Variants in MAGI2 observed in about 807,000 individuals in gnomAD.
The protein encoded by MAGI2 is membrane-associated guanylate kinase, WW and PDZ domain-containing protein 2.
Under a neutral mutation model 133.3 loss-of-function variants are expected in MAGI2, and 35 were observed. The observed-to-expected ratio is 0.26, with a 90% confidence interval of 0.20 to 0.35. The LOEUF (loss-of-function observed/expected upper bound fraction) is 0.35. Ranked by LOEUF, MAGI2 falls within the 10% of genes least tolerant of loss-of-function variation. The pLI is 1.00. For synonymous variants in MAGI2, 729 were observed against 710.6 expected, an observed-to-expected ratio of 1.03 and a Z score of -0.41; for missense variants, 1,636 against 1,863.4, an observed-to-expected ratio of 0.88 and a Z score of 2.25.
chr7:78,758,653 C>A (rs958313379), intron 2 of MAGI2, among the ~76,000 whole-genome samples: 34 of 152,152 alleles, frequency 2.2e-4, no homozygotes, highest in African/African-American at 8.0e-4. Flanking sequence ...CTCTCCATCA[C>A]AAAAGGGTCT....
chr7:78,801,165 A>G (rs1788026462), intron 2 of MAGI2, among the ~76,000 whole-genome samples: 1 of 152,210 alleles, frequency 6.6e-6, no homozygotes. Flanking sequence ...CAAGAGATTT[A>G]AAGACAGGAT....
intron 1 of MAGI2, among the ~76,000 whole-genome samples, chr7:79,426,531 C>T (rs1155234): frequency 6.6e-6 from 1 of 151,942 alleles, no homozygotes; most frequent in African/African-American, 2.4e-5. Context: ...TATCTTCTCT[C>T]CTGAGGAGTT....
intron 21 of MAGI2, among the ~76,000 whole-genome samples, chr7:78,061,020 G>A (rs1411392392): frequency 6.6e-6 from 1 of 151,942 alleles, no homozygotes; most frequent in Non-Finnish European, 1.5e-5. Flanking sequence ...ACAAAAAGTA[G>A]CTGGGGGCGG....
chr7:78,688,264 G>C (rs1816591191), intron 2 of MAGI2, among the ~76,000 whole-genome samples: 1 of 152,094 alleles, frequency 6.6e-6, no homozygotes, highest in Non-Finnish European at 1.5e-5. Context: ...AGAAGGTCAA[G>C]GTGTCATTTA....
intron 20 of MAGI2, among the ~76,000 whole-genome samples, chr7:78,124,506 A>G (rs544750657): frequency 1.6e-4 from 25 of 152,206 alleles, no homozygotes; most frequent in Non-Finnish European, 3.1e-4. Context: ...AATGCGTATC[A>G]TAGAAATGCA....
chr7:79,242,829 A>AT (rs1233919233), intron 1 of MAGI2, among the ~76,000 whole-genome samples: 1 of 152,130 alleles, frequency 6.6e-6, no homozygotes, highest in Admixed American at 6.5e-5. Context: ...TTTCAAGATT[A>AT]TTTTTTGCTA....
rs77373715 is a variant in MAGI2, at chr7:78,356,933, A to T, written c.1104-10890T>A. 7.7e-3 allele frequency among the ~76,000 whole-genome samples: 1,176 copies of T among 152,264 alleles called. 36 individuals carry two copies. Among genetic ancestry groups the T allele is most frequent in the East Asian group, 0.071 (367 of 5,178 alleles). Reference sequence around the variant, plus strand: ...TTTTGGGTTTAAGCTACAATTGAAGATTTTGTCTACCACTCACTATCTTTG... The same window carrying T: ...TTTTGGGTTTAAGCTACAATTGAAGTTTTTGTCTACCACTCACTATCTTTG... On this transcript the variant is annotated intron_variant, in intron 7 of 21. Coordinates refer to ENST00000354212, the MANE Select transcript of MAGI2 (RefSeq NM_012301.4).
intron 1 of MAGI2, among the ~76,000 whole-genome samples, chr7:79,307,711 G>T (rs1168502963): frequency 6.6e-6 from 1 of 152,148 alleles, no homozygotes; most frequent in East Asian, 1.9e-4. Flanking sequence ...TAGCTTTTTG[G>T]TTAAAAGAAT....
intron 21 of MAGI2, among the ~76,000 whole-genome samples, chr7:78,062,062 C>T (rs3779321): frequency 0.074 from 11,215 of 152,260 alleles, 1,012 homozygotes; most frequent in African/African-American, 0.21. Flanking sequence ...AAGAGTGCGA[C>T]ATTTTTTTGT....
At chr7:78,534,531 A>G (rs558562280) in intron 3 of MAGI2, among the ~76,000 whole-genome samples, 1 of 152,224 alleles carries the variant, frequency 6.6e-6, no homozygotes, top group African/African-American at 2.4e-5. Flanking sequence ...TAAAATTAGC[A>G]ACATTTCTGC....
chr7:78,694,314 A>G lies in MAGI2; in HGVS notation c.419-67075T>C, dbSNP rs112288700. ...CCTACACACCTAACACATATGTACA[A>G]TCATGGAAAGGTAAATAATGCTAAA... On this transcript the variant is annotated intron_variant, in intron 2 of 21. Transcript: ENST00000354212. Among the ~76,000 whole-genome samples the G allele has an allele frequency of 2.9e-3, 436 of 152,308 alleles. 6 individuals carry two copies. Among genetic ancestry groups the G allele is most frequent in the African/African-American group, 9.7e-3 (405 of 41,568 alleles).
At position 78,135,001 on chromosome 7, in the gene MAGI2, A is replaced by C. The variant is rs774889966; in HGVS notation, c.3031+20T>G. 6.2e-7 allele frequency: 1 copy of C among 1,610,702 alleles called. No homozygotes were observed. Among genetic ancestry groups the C allele is most frequent in the Non-Finnish European group, 8.5e-7 (1 of 1,178,004 alleles). ...TCCATGTGTTGGCCGCCTCTCTGCA[A>C]GGCTGCCTCAGGCACTCACCCTCCT... On this transcript the variant is annotated intron_variant, in intron 17 of 21. Coordinates refer to ENST00000354212, the MANE Select transcript of MAGI2 (RefSeq NM_012301.4).
chr7:78,250,431 G>A (rs893128811), intron 10 of MAGI2, among the ~76,000 whole-genome samples: 3 of 151,910 alleles, frequency 2.0e-5, no homozygotes, highest in African/African-American at 7.2e-5. Context: ...AAGTGATTTC[G>A]TTAGAAAGAA....
intron 5 of MAGI2, among the ~76,000 whole-genome samples, chr7:78,497,748 C>T (rs1012544322): frequency 2.0e-5 from 3 of 148,412 alleles, no homozygotes; most frequent in African/African-American, 7.6e-5. Context: ...ATCTATCTAT[C>T]TATCTATCTA....
intron 21 of MAGI2, among the ~76,000 whole-genome samples, chr7:78,038,464 C>T (rs1298322963): frequency 6.6e-6 from 1 of 152,140 alleles, no homozygotes; most frequent in Non-Finnish European, 1.5e-5. Flanking sequence ...AAATTTAAGG[C>T]TATCACATGC....
At chr7:78,309,452 C>T (rs1352164558) in intron 9 of MAGI2, among the ~76,000 whole-genome samples, 1 of 152,098 alleles carries the variant, frequency 6.6e-6, no homozygotes, top group African/African-American at 2.4e-5. Flanking sequence ...AAATCAAATA[C>T]CGTATGTTCT....
chr7:79,228,491 G>T (rs1164907595), intron 1 of MAGI2, among the ~76,000 whole-genome samples: 2 of 151,354 alleles, frequency 1.3e-5, no homozygotes, highest in Non-Finnish European at 2.9e-5. Context: ...ACTACTAATT[G>T]TAAAATGTGT....
rs183407324 is a variant in MAGI2 at position 78,078,935 on chromosome 7, C to T, written c.3706+12G>A. ...GGAAGAGCAAAAGGGTGAATTAAAA[C>T]GTGAAACGTACCATATTCTGGGACC... On this transcript the variant is annotated intron_variant, in intron 21 of 21. Transcript: ENST00000354212. The T allele has an allele frequency of 6.4e-4, 1,028 of 1,612,478 alleles. No individual in the cohort carries two copies. Among genetic ancestry groups the T allele is most frequent in the South Asian group, 1.1e-3 (102 of 90,416 alleles).
intron 2 of MAGI2, among the ~76,000 whole-genome samples, chr7:78,999,896 C>T (rs983943947): frequency 6.6e-6 from 1 of 152,166 alleles, no homozygotes; most frequent in Non-Finnish European, 1.5e-5. Flanking sequence ...AATTCATTCT[C>T]AAATTTTCAA....
Sources: allele counts gnomAD v4.1 joint callset (sites outside exome capture counted in the v4.1 genomes callset), GRCh38; gene constraint gnomAD v4.1.1; transcripts MANE v1.5; gene names NCBI Gene and HGNC (gene_info 2026-07-23, HGNC 2026-07-21).